Variants in SMOC1 observed in about 807,000 individuals in gnomAD.
SMOC1 encodes the protein SPARC related modular calcium binding 1, also known as SPARC-related modular calcium-binding protein 1.
In SMOC1, 22 loss-of-function variants were observed where a neutral mutation model predicts 56.3. The observed-to-expected ratio is 0.39, with a 90% CI of 0.28 to 0.56. SMOC1 has a LOEUF of 0.56. Ranked by LOEUF, SMOC1 falls within the 20% of genes least tolerant of loss-of-function variation. The pLI is 0.61. For missense variants in SMOC1, 509 were observed against 565.4 expected (o/e 0.90, Z 1.01); for synonymous variants, 193 against 215.0 (o/e 0.90, Z 0.89).
At chr14:70,028,370 G>A (rs1428754895) in intron 11 of SMOC1, among the ~76,000 whole-genome samples, 1 of 152,206 alleles carries the variant, frequency 6.6e-6, no homozygotes, top group Non-Finnish European at 1.5e-5. Flanking sequence ...ATGGCTCAGA[G>A]CATGATTCTG....
At chr14:70,001,841 A>G (rs1162422057) in intron 7 of SMOC1, among the ~76,000 whole-genome samples, 2 of 152,228 alleles carry the variant, frequency 1.3e-5, no homozygotes, top group Non-Finnish European at 2.9e-5. Context: ...GAACTGGCCA[A>G]GGTCACAGAG....
intron 1 of SMOC1, among the ~76,000 whole-genome samples, chr14:69,946,864 G>A (rs1425493683): frequency 6.6e-6 from 1 of 152,146 alleles, no homozygotes; most frequent in East Asian, 1.9e-4. Flanking sequence ...GCAATAGTGA[G>A]TACTTGTGAT....
In SMOC1 at chr14:69,913,947, G is replaced by C. The variant is rs141338326; in HGVS notation, c.99+34170G>C. On this transcript the variant is annotated intron_variant, in intron 1 of 11. Coordinates refer to ENST00000361956, the MANE Select transcript of SMOC1 (RefSeq NM_001034852.3). ...TTATACATTGGAACCTAGAGTTAGA[G>C]TGGAAATGCTCAAGTTCACTACAGA... Among the ~76,000 whole-genome samples the C allele has an allele frequency of 1.5e-4, 23 of 152,334 alleles. 1 individual carries two copies. In the East Asian group the frequency reaches 4.4e-3, roughly 29 times the overall value.
intron 1 of SMOC1, chr14:69,886,135 C>G (rs61980566): frequency 6.7e-7 from 1 of 1,502,880 alleles, no homozygotes; most frequent in South Asian, 1.1e-5. Context: ...TCTTTCCTTT[C>G]GGCATCTTGG....
intron 1 of SMOC1, among the ~76,000 whole-genome samples, chr14:69,950,691 A>C (rs1047981984): frequency 1.3e-5 from 2 of 152,220 alleles, no homozygotes; most frequent in African/African-American, 2.4e-5. Flanking sequence ...AGGCCTGTAC[A>C]ATCTAATCAT....
At chr14:69,899,393 C>T (rs902015481) in intron 1 of SMOC1, among the ~76,000 whole-genome samples, 1 of 152,142 alleles carries the variant, frequency 6.6e-6, no homozygotes, top group African/African-American at 2.4e-5. Context: ...ACAGAGTTCT[C>T]ATGAGATCTG....
chr14:69,977,332 A>G (rs999248694), intron 4 of SMOC1, among the ~76,000 whole-genome samples: 1 of 152,228 alleles, frequency 6.6e-6, no homozygotes, highest in African/African-American at 2.4e-5. Context: ...TTGGGCAAAC[A>G]TACCTGCTAC....
intron 1 of SMOC1, among the ~76,000 whole-genome samples, chr14:69,888,988 C>G (rs1314765337): frequency 6.6e-6 from 1 of 152,192 alleles, no homozygotes; most frequent in African/African-American, 2.4e-5. Context: ...ATCCACAGAA[C>G]TTTCCACAAG....
intron 11 of SMOC1, among the ~76,000 whole-genome samples, chr14:70,028,739 G>A (rs1490012853): frequency 1.3e-5 from 2 of 152,210 alleles, no homozygotes; most frequent in African/African-American, 4.8e-5. Flanking sequence ...TCAGCAGCCT[G>A]ACTCTGCCGC....
At chr14:69,974,687 T>C (rs114607201) in intron 3 of SMOC1, among the ~76,000 whole-genome samples, 13,001 of 151,724 alleles carry the variant, frequency 0.086, 710 homozygotes, top group African/African-American at 0.15. Flanking sequence ...CGGGAGGTGG[T>C]GGGTAGGGTG....
intron 1 of SMOC1, among the ~76,000 whole-genome samples, chr14:69,909,353 C>A (rs1884496201): frequency 2.0e-5 from 3 of 152,170 alleles, no homozygotes. Flanking sequence ...TGTCTGATAG[C>A]AGGAATTGGC....
At chr14:69,944,162 A>T (rs1882690588) in intron 1 of SMOC1, among the ~76,000 whole-genome samples, 1 of 152,184 alleles carries the variant, frequency 6.6e-6, no homozygotes, top group Admixed American at 6.5e-5. Flanking sequence ...AGTCCGGTGG[A>T]GGGGCATGGA....
intron 5 of SMOC1, among the ~76,000 whole-genome samples, chr14:69,984,716 A>G (rs1390907204): frequency 2.0e-5 from 3 of 151,756 alleles, no homozygotes; most frequent in African/African-American, 4.8e-5. Flanking sequence ...TTAGCCAGGC[A>G]TGGTGGCACG....
chr14:69,907,103 G>T (rs756571358), intron 1 of SMOC1, among the ~76,000 whole-genome samples: 5 of 151,678 alleles, frequency 3.3e-5, no homozygotes, highest in Non-Finnish European at 5.9e-5. Context: ...AGGGAAGGAG[G>T]TTTAATGGGT....
At chr14:69,952,422 C>A in intron 2 of SMOC1, 119 bp downstream of exon 2, 1 of 1,166,318 alleles carries the variant, frequency 8.6e-7, no homozygotes. Context: ...GCTTTCCTAT[C>A]TCTCCACCCC....
At chr14:69,977,999 G>C in intron 5 of SMOC1, 34 bp downstream of exon 5, 1 of 1,586,636 alleles carries the variant, frequency 6.3e-7, no homozygotes, top group Non-Finnish European at 8.7e-7. Flanking sequence ...CTAAATGTTT[G>C]CTTCCAAAGG....
chr14:69,980,783 G>A (rs1360715741), intron 5 of SMOC1, among the ~76,000 whole-genome samples: 1 of 152,218 alleles, frequency 6.6e-6, no homozygotes, highest in Admixed American at 6.5e-5. Flanking sequence ...GCAAAGAGGT[G>A]CTGGGTCTGC....
In SMOC1 at chr14:69,990,683, C is replaced by G. The variant is rs148659749; in HGVS notation, c.527-1734C>G. 2.7e-3 allele frequency among the ~76,000 whole-genome samples: 417 copies of G among 152,300 alleles called. 1 individual carries two copies. Among genetic ancestry groups the G allele is most frequent in the African/African-American group, 9.2e-3 (384 of 41,572 alleles). ...TGTGTTTATTCTCCCTCAAAGACTTCCAGATCAAACTCACACAGTTTGGCA... is the reference window on the plus strand; with the variant it reads ...TGTGTTTATTCTCCCTCAAAGACTTGCAGATCAAACTCACACAGTTTGGCA... On this transcript the variant is annotated intron_variant, in intron 5 of 11. Coordinates refer to ENST00000361956, the MANE Select transcript of SMOC1 (RefSeq NM_001034852.3).
chr14:69,897,588 G>A (rs186590178), intron 1 of SMOC1, among the ~76,000 whole-genome samples: 4 of 148,960 alleles, frequency 2.7e-5, no homozygotes, highest in Admixed American at 6.7e-5. Flanking sequence ...AAAACTTTTC[G>A]AAGTGGTTGC....
Sources: gnomAD v4.1 joint callset for allele counts (sites outside exome capture counted in the v4.1 genomes callset) on GRCh38, gnomAD v4.1.1 for gene constraint, MANE v1.5 for transcripts, NCBI Gene and HGNC (gene_info 2026-07-23, HGNC 2026-07-21) for gene names.